Variants in TRPC1 observed in about 807,000 individuals in gnomAD.
TRPC1 encodes short transient receptor potential channel 1.
A neutral mutation model predicts 88.2 loss-of-function variants in TRPC1; 42 were observed. The observed-to-expected ratio is 0.48, with a 90% CI of 0.37 to 0.62. The LOEUF (loss-of-function observed/expected upper bound fraction) is 0.62. Among genes scored for constraint, TRPC1 ranks in the 20% least tolerant of loss-of-function variants. The probability of loss-of-function intolerance (pLI) is 0.00; values close to 1 mark genes in which losing one functional copy is unlikely to be tolerated. For synonymous variants in TRPC1, 288 were observed against 331.8 expected, an observed-to-expected ratio of 0.87 and a Z score of 1.43; for missense variants, 699 against 957.3, an observed-to-expected ratio of 0.73 and a Z score of 3.56.
chr3:142,735,638 T>C (rs980599537), intron 1 of TRPC1, among the ~76,000 whole-genome samples: 3 of 152,188 alleles, frequency 2.0e-5, no homozygotes, highest in African/African-American at 7.2e-5. Context: ...GACAACTGTT[T>C]TGTTGTGGGC....
chr3:142,741,356 A>G (rs1289487571), intron 2 of TRPC1, among the ~76,000 whole-genome samples: 3 of 152,108 alleles, frequency 2.0e-5, no homozygotes, highest in Non-Finnish European at 1.5e-5. Flanking sequence ...AAGCATTGAA[A>G]GATTTAATGT....
chr3:142,749,407 A>G (rs1048336275), intron 4 of TRPC1, among the ~76,000 whole-genome samples: 1 of 152,192 alleles, frequency 6.6e-6, no homozygotes, highest in Admixed American at 6.5e-5. Flanking sequence ...GTTAACTAAA[A>G]CAGCCTCAGG....
chr3:142,805,444 C>T (rs1233698336), intron 12 of TRPC1, among the ~76,000 whole-genome samples: 1 of 151,906 alleles, frequency 6.6e-6, no homozygotes, highest in African/African-American at 2.4e-5. Context: ...AAATACTTTA[C>T]ACTTTTCAGG....
At chr3:142,728,549 G>A (rs1049521030) in intron 1 of TRPC1, among the ~76,000 whole-genome samples, 1 of 152,034 alleles carries the variant, frequency 6.6e-6, no homozygotes, top group Admixed American at 6.6e-5. Flanking sequence ...TCAAACTCCC[G>A]ACCTCGAGTG....
rs1356076856 is a variant in TRPC1, at chr3:142,807,190, A to C, written c.*955A>C. The stretch of plus-strand genomic sequence containing the variant: ...TGTTTTGTTTTTGTAAAACATAGGA[A>C]GTCTCTTTAATGCAATGATTTGTTT... On this transcript the variant is annotated 3_prime_UTR_variant, in exon 13 of 13. Transcript: ENST00000476941. The C allele has an allele frequency of 6.6e-6, 1 of 152,098 alleles. No homozygotes were observed. The highest frequency in any genetic ancestry group is 1.5e-5 in the Non-Finnish European group (1 of 68,006). 9.4% of individuals were successfully genotyped at this position (152,098 alleles called of 1,614,324 possible).
chr3:142,731,088 A>T lies in TRPC1; in HGVS notation c.173-5291A>T, dbSNP rs114584872. 5.3e-3 allele frequency among the ~76,000 whole-genome samples: 802 copies of T among 152,256 alleles called. 10 individuals are homozygous for T. Among genetic ancestry groups the T allele is most frequent in the African/African-American group, 0.016 (682 of 41,560 alleles). On this transcript the variant is annotated intron_variant, in intron 1 of 12. Coordinates refer to ENST00000476941, the MANE Select transcript of TRPC1 (RefSeq NM_001251845.2). The stretch of plus-strand genomic sequence containing the variant: ...GGCCAGAGTAAATTTGTTGCTAAGG[A>T]TCTATGGGATCACTCTGGTATTTTG...
rs141933164 is a variant in TRPC1 at position 142,724,639 on chromosome 3, C to T, written c.80C>T (p.Ser27Leu). 5.5e-5 allele frequency: 89 copies of T among 1,612,850 alleles called. 1 individual carries two copies. Among genetic ancestry groups the T allele is most frequent in the Non-Finnish European group, 6.3e-5 (74 of 1,179,588 alleles). Residue 27 changes from serine (S) to leucine (L), a missense_variant, in exon 1 of 13, where the codon TCG becomes TTG. By Grantham distance (145) the Ser-to-Leu change is moderately radical (BLOSUM62 -2). Coordinates refer to ENST00000476941, the MANE Select transcript of TRPC1 (RefSeq NM_001251845.2). The surrounding 1 kb of genome is among the most constrained non-coding windows in gnomAD (Gnocchi z 5.6). ...CTGCCTTCCTCTCCATCCTCTTCCT[C>T]GCCGAACGAGGTGATGGCGCTGAAG... ...SSLPSSPSSS[S>L]PNEVMALKDV... is the part of the protein sequence containing the mutation.
chr3:142,724,822 T>C lies in TRPC1; in HGVS notation c.172+91T>C. 7.2e-7 allele frequency: 1 copy of C among 1,391,060 alleles called. No homozygotes were observed. Among genetic ancestry groups the C allele is most frequent in the Non-Finnish European group, 9.5e-7 (1 of 1,057,924 alleles). The allele number at this position is 1,391,060 out of a possible 1,614,324, so 86.2% of individuals were successfully genotyped here. On this transcript the variant is annotated intron_variant, in intron 1 of 12. Coordinates refer to ENST00000476941, the MANE Select transcript of TRPC1 (RefSeq NM_001251845.2). The surrounding 1 kb of genome is among the most constrained non-coding windows in gnomAD (Gnocchi z 5.6). The stretch of plus-strand genomic sequence containing the variant: ...CCTCAACTTATATCGGGGCATTCCC[T>C]CTGTCTCAGGCGCCGAGTGTCTTCC...
chr3:142,792,680 T>A lies in TRPC1; in HGVS notation c.1438-144T>A. The A allele has an allele frequency of 1.7e-6, 1 of 581,296 alleles. No homozygotes were observed. The highest frequency in any genetic ancestry group is 4.3e-5 in the Admixed American group (1 of 23,510). The allele number at this position is 581,296 out of a possible 1,614,324, so 36.0% of individuals were successfully genotyped here. On this transcript the variant is annotated intron_variant, in intron 8 of 12. Transcript: ENST00000476941. This position sits in a 1 kb window ranked among gnomAD's most constrained non-coding sequence, Gnocchi z 4.0. ...TTCATTAAAATATTATTTCTATTTT[T>A]AAAAAACCCTATAAAACATAAGTGG...
Position 142,750,991 on chromosome 3 carries a change from T to C in TRPC1, c.632+2531T>C, listed in dbSNP as rs145023962. On this transcript the variant is annotated intron_variant, in intron 4 of 12. Transcript: ENST00000476941. Reference sequence around the variant, plus strand: ...GTAAAAAGCTTATAGAATAAAGATATGAAGAAATAATATTTTGTACAGCTG... The same window carrying C: ...GTAAAAAGCTTATAGAATAAAGATACGAAGAAATAATATTTTGTACAGCTG... 3.4e-3 allele frequency among the ~76,000 whole-genome samples: 519 copies of C among 152,252 alleles called. 1 individual carries two copies. Among genetic ancestry groups the C allele is most frequent in the African/African-American group, 0.012 (485 of 41,550 alleles).
At chr3:142,736,670 C>T in intron 2 of TRPC1, 137 bp downstream of exon 2, 2 of 819,700 alleles carry the variant, frequency 2.4e-6, no homozygotes, top group Non-Finnish European at 3.5e-6. Flanking sequence ...TCTTACTCTC[C>T]TTCTGTCTTT....
intron 1 of TRPC1, among the ~76,000 whole-genome samples, chr3:142,734,680 A>C (rs768372723): frequency 6.6e-6 from 1 of 152,054 alleles, no homozygotes; most frequent in Non-Finnish European, 1.5e-5. Context: ...GCTCATGCCT[A>C]TAATCCCAGC....
intron 6 of TRPC1, among the ~76,000 whole-genome samples, chr3:142,781,595 A>G (rs1435384761): frequency 6.6e-6 from 1 of 152,174 alleles, no homozygotes; most frequent in Non-Finnish European, 1.5e-5. Context: ...CTTTTCTGGC[A>G]TCATCCCTTT....
intron 4 of TRPC1, among the ~76,000 whole-genome samples, chr3:142,756,075 CAT>C (rs1490339881): frequency 1.3e-5 from 2 of 151,124 alleles, no homozygotes; most frequent in African/African-American, 2.5e-5. Context: ...CATATTGTTT[CAT>C]ATGTCAGTAA....
At chr3:142,753,134 C>T (rs1334177876) in intron 4 of TRPC1, among the ~76,000 whole-genome samples, 2 of 152,038 alleles carry the variant, frequency 1.3e-5, no homozygotes, top group Non-Finnish European at 2.9e-5. Context: ...GTTGAAGCAG[C>T]GGGGTCTTAC....
intron 4 of TRPC1, among the ~76,000 whole-genome samples, chr3:142,761,449 A>T (rs1251179563): frequency 1.3e-5 from 2 of 152,074 alleles, no homozygotes; most frequent in African/African-American, 4.8e-5. Context: ...GATCTTTTTA[A>T]TGTGTTGTTG....
rs780801549 is a variant in TRPC1, at chr3:142,804,064, A to C, written c.1845A>C (p.Glu615Asp). 6.2e-7 allele frequency: 1 copy of C among 1,613,886 alleles called. No individual in the cohort carries two copies. The highest frequency in any genetic ancestry group is 1.1e-5 in the South Asian group (1 of 91,084). ...AIFVTRFSYG[E>D]ELQSFVGAVI... is the part of the protein sequence containing the mutation. ...TTGTCACAAGATTTAGCTATGGAGAAGAACTGCAGTCCTTTGTGGGAGCTG... is the reference window on the plus strand; with the variant it reads ...TTGTCACAAGATTTAGCTATGGAGACGAACTGCAGTCCTTTGTGGGAGCTG... Residue 615 changes from glutamate (E) to aspartate (D), a missense_variant, in exon 11 of 13, where the codon GAA (glutamate) becomes GAC (aspartate). Glu to Asp is a conservative substitution (Grantham distance 45). Around this residue, in one of 4 missense-constraint regions of TRPC1, gnomAD observed 426 missense variants for 641.3 expected, o/e 0.66. Coordinates refer to ENST00000476941, the MANE Select transcript of TRPC1 (RefSeq NM_001251845.2).
chr3:142,795,988 T>C (rs896796867), intron 9 of TRPC1, among the ~76,000 whole-genome samples: 3 of 152,144 alleles, frequency 2.0e-5, no homozygotes, highest in Admixed American at 6.6e-5. Flanking sequence ...GTGGTAATAA[T>C]AGTAATAACA....
chr3:142,801,399 G>A (rs1936616714), intron 9 of TRPC1: 1 of 151,922 alleles, frequency 6.6e-6, no homozygotes, highest in South Asian at 2.1e-4. Flanking sequence ...CCTATCTATT[G>A]GTTAAATTTC....
Sources: gnomAD v4.1 joint callset for allele counts (sites outside exome capture counted in the v4.1 genomes callset) on GRCh38, gnomAD v4.1.1 for gene constraint, gnomAD v4.1.1 regional missense constraint, Gnocchi (gnomAD v3.1) non-coding constraint, MANE v1.5 for transcripts, NCBI Gene and HGNC (gene_info 2026-07-23, HGNC 2026-07-21) for gene names.